The following CDH12 variants were observed in gnomAD, a reference collection of about 807,000 sequenced individuals.
CDH12 encodes cadherin 12.
A neutral mutation model predicts 74.1 loss-of-function variants in CDH12; 41 were observed. The observed-to-expected ratio is 0.55, with a 90% CI of 0.43 to 0.72. The LOEUF is 0.72. CDH12 is among the 30% of genes least tolerant of loss of function. The pLI, the probability that CDH12 is intolerant of heterozygous loss-of-function variation, is 0.00. For missense variants in CDH12, 945 were observed against 977.2 expected (o/e 0.97, Z 0.44); for synonymous variants, 399 against 355.0 (o/e 1.12, Z -1.39).
At chr5:22,315,119 CTTTT>C (rs70959715) in intron 3 of CDH12, among the ~76,000 whole-genome samples, 1 of 22,992 alleles carries the variant, frequency 4.3e-5, no homozygotes, top group Non-Finnish European at 6.9e-5. Context: ...GCCTGCCTGG[CTTTT>C]TTTTTTTTTT....
At chr5:21,884,118 T>C in intron 6 of CDH12, 2 of 1,487,260 alleles carry the variant, frequency 1.3e-6, no homozygotes, top group South Asian at 2.3e-5. Context: ...GGTTGGAGAT[T>C]TTATGAATAT....
intron 6 of CDH12, among the ~76,000 whole-genome samples, chr5:21,897,390 G>C (rs999808898): frequency 2.6e-5 from 4 of 152,130 alleles, no homozygotes; most frequent in African/African-American, 9.7e-5. Flanking sequence ...GTGATACCTT[G>C]ATATTTTATG....
chr5:22,659,227 T>C (rs1306735226), intron 1 of CDH12, among the ~76,000 whole-genome samples: 1 of 152,010 alleles, frequency 6.6e-6, no homozygotes. Flanking sequence ...TATTTATACA[T>C]GGAAAATAAA....
At chr5:21,974,788 T>C (rs1485306399) in intron 6 of CDH12, among the ~76,000 whole-genome samples, 2 of 152,290 alleles carry the variant, frequency 1.3e-5, no homozygotes, top group East Asian at 3.9e-4. Context: ...GTGTCTGGAA[T>C]TGAGATAACA....
At chr5:21,831,246 A>T (rs1749005938) in intron 8 of CDH12, among the ~76,000 whole-genome samples, 2 of 152,132 alleles carry the variant, frequency 1.3e-5, no homozygotes, top group South Asian at 4.1e-4. Context: ...TTTCATAAAC[A>T]TCAATACCAT....
At chr5:22,355,975 T>C (rs1159284649) in intron 3 of CDH12, among the ~76,000 whole-genome samples, 2 of 152,324 alleles carry the variant, frequency 1.3e-5, no homozygotes, top group African/African-American at 4.8e-5. Flanking sequence ...ATCACTGGCC[T>C]TCTGAGAATG....
chr5:22,541,277 G>A (rs1039872482), intron 1 of CDH12, among the ~76,000 whole-genome samples: 8 of 152,152 alleles, frequency 5.3e-5, no homozygotes, highest in Admixed American at 3.9e-4. Context: ...CAGGGCTTTG[G>A]CAGTTCGCCA....
intron 3 of CDH12, among the ~76,000 whole-genome samples, chr5:22,301,443 CAT>C (rs771605233): frequency 2.0e-4 from 31 of 152,242 alleles, no homozygotes; most frequent in Admixed American, 6.5e-4. Flanking sequence ...TAAAGCACCA[CAT>C]GAGTAAAGTG....
At chr5:22,149,280 A>G (rs1237636538) in intron 4 of CDH12, among the ~76,000 whole-genome samples, 1 of 152,224 alleles carries the variant, frequency 6.6e-6, no homozygotes, top group Non-Finnish European at 1.5e-5. Flanking sequence ...CTTGAGGGAC[A>G]CAAGTCTACC....
chr5:22,820,310 C>T (rs113187054), intron 1 of CDH12, among the ~76,000 whole-genome samples: 1,575 of 152,010 alleles, frequency 0.01, 23 homozygotes, highest in Non-Finnish European at 0.015. Flanking sequence ...TGTCCCCAAC[C>T]GGATCTCATC....
chr5:21,972,577 AGTACTCTAG>A (rs1377961078), intron 6 of CDH12, among the ~76,000 whole-genome samples: 7 of 152,280 alleles, frequency 4.6e-5, no homozygotes, highest in African/African-American at 1.4e-4. Context: ...ATGGGGTTCG[AGTACTCTAG>A]GAACATAGAT....
intron 2 of CDH12, among the ~76,000 whole-genome samples, chr5:22,440,602 C>T (rs1580652554): frequency 6.6e-6 from 1 of 152,122 alleles, no homozygotes; most frequent in South Asian, 2.1e-4. Context: ...CATCCTTGTT[C>T]TGGTTGCTCT....
chr5:21,878,818 AAGAG>A (rs1410764611), intron 6 of CDH12, among the ~76,000 whole-genome samples: 3 of 118,728 alleles, frequency 2.5e-5, no homozygotes, highest in Non-Finnish European at 6.0e-5. Context: ...GAAAGAAAGA[AAGAG>A]AAAAGAAAAG....
chr5:22,219,055 A>G (rs1751921994), intron 3 of CDH12, among the ~76,000 whole-genome samples: 1 of 151,692 alleles, frequency 6.6e-6, no homozygotes, highest in South Asian at 2.1e-4. Flanking sequence ...TTTCAAATCA[A>G]ACAATGATGG....
At chr5:21,872,848 C>T (rs1040865933) in intron 6 of CDH12, among the ~76,000 whole-genome samples, 3 of 145,714 alleles carry the variant, frequency 2.1e-5, no homozygotes, top group African/African-American at 2.5e-5. Context: ...TATTATCTAT[C>T]GATCTATCAT....
chr5:22,110,833 C>G (rs912366080), intron 4 of CDH12, among the ~76,000 whole-genome samples: 11 of 152,068 alleles, frequency 7.2e-5, no homozygotes, highest in Non-Finnish European at 1.6e-4. Flanking sequence ...AAAGGCGGTT[C>G]AGTTTTGGGG....
intron 1 of CDH12, among the ~76,000 whole-genome samples, chr5:22,688,647 C>T (rs1030409353): frequency 2.0e-4 from 31 of 152,202 alleles, no homozygotes; most frequent in Middle Eastern, 6.8e-3. Flanking sequence ...TGAAAGGAAA[C>T]TTCTGAAGAA....
At chr5:22,796,382 T>C (rs1380009473) in intron 1 of CDH12, among the ~76,000 whole-genome samples, 1 of 152,276 alleles carries the variant, frequency 6.6e-6, no homozygotes, top group African/African-American at 2.4e-5. Flanking sequence ...CCATTCTAAT[T>C]GGAGTAAGGT....
intron 1 of CDH12, among the ~76,000 whole-genome samples, chr5:22,803,140 T>C (rs529135950): frequency 3.9e-5 from 6 of 152,306 alleles, no homozygotes; most frequent in Admixed American, 2.6e-4. Flanking sequence ...TTTTCTGAAC[T>C]GAAAACAGTA....
Sources: gnomAD v4.1 joint callset for allele counts (sites outside exome capture counted in the v4.1 genomes callset) on GRCh38, gnomAD v4.1.1 for gene constraint, MANE v1.5 for transcripts, NCBI Gene and HGNC (gene_info 2026-07-23, HGNC 2026-07-21) for gene names.